The following RANBP2 variants were observed in gnomAD, a reference collection of about 807,000 sequenced individuals.
RANBP2 encodes E3 SUMO-protein ligase RanBP2.
RANBP2 carries 57 observed loss-of-function variants against 303.6 expected under a neutral mutation model. The ratio of observed to expected loss-of-function variants is 0.19; its 90% confidence interval spans 0.15 to 0.23. The LOEUF is 0.23. Ranked by LOEUF, RANBP2 falls within the 10% of genes least tolerant of loss-of-function variation. The pLI, the probability that RANBP2 is intolerant of heterozygous loss-of-function variation, is 1.00. For synonymous variants in RANBP2, 1,167 were observed against 1,301.5 expected, an observed-to-expected ratio of 0.90 and a Z score of 2.23; for missense variants, 3,138 against 3,780.8, an observed-to-expected ratio of 0.83 and a Z score of 4.46.
chr2:108,959,247 G>A, the RANBP2 span, among the ~76,000 whole-genome samples: 1 of 152,226 alleles, frequency 6.6e-6, no homozygotes, highest in Non-Finnish European at 1.5e-5. Flanking sequence ...TGTGCAGAGG[G>A]GCTGATGATG....
chr2:109,560,881 C>T, the RANBP2 span, among the ~76,000 whole-genome samples: 1 of 152,128 alleles, frequency 6.6e-6, no homozygotes, highest in Non-Finnish European at 1.5e-5. Context: ...TCCAATTTTA[C>T]CTTCTAGTCA....
chr2:109,113,362 T>G, the RANBP2 span, among the ~76,000 whole-genome samples: 1 of 151,986 alleles, frequency 6.6e-6, no homozygotes, highest in African/African-American at 2.4e-5. Flanking sequence ...CCCTTGTAAG[T>G]TGGATTCCTA....
At chr2:109,510,426 C>G in the RANBP2 span, among the ~76,000 whole-genome samples, 1 of 152,208 alleles carries the variant, frequency 6.6e-6, no homozygotes, top group Non-Finnish European at 1.5e-5. Flanking sequence ...GGGGAGCAGA[C>G]AGCCCCGAGG....
At chr2:108,846,838 A>G in the RANBP2 span, 1 of 1,613,470 alleles carries the variant, frequency 6.2e-7, no homozygotes. Flanking sequence ...CATTCTGTGG[A>G]GAATAAACCA....
chr2:109,053,798 G>T, the RANBP2 span, among the ~76,000 whole-genome samples: 3 of 152,272 alleles, frequency 2.0e-5, no homozygotes, highest in South Asian at 4.1e-4. Flanking sequence ...CCATTTCTCC[G>T]GCTTGAAGTC....
chr2:109,131,153 C>T, the RANBP2 span, among the ~76,000 whole-genome samples: 24 of 152,260 alleles, frequency 1.6e-4, no homozygotes, highest in Admixed American at 5.9e-4. Context: ...ATTCTAGCAC[C>T]TGGATTAGGC....
chr2:108,890,617 C>T, the RANBP2 span, among the ~76,000 whole-genome samples: 139,742 of 152,224 alleles, frequency 0.92, 64,216 homozygotes, highest in East Asian at 1. Flanking sequence ...TCTTTGACTT[C>T]AGACAGCTGG....
chr2:108,809,465 T>TGTGTGA, the RANBP2 span, among the ~76,000 whole-genome samples: 3 of 151,690 alleles, frequency 2.0e-5, no homozygotes, highest in Middle Eastern at 3.2e-3. Context: ...TGTGTGTGTG[T>TGTGTGA]GTGTGTGTGT....
chr2:109,185,946 C>T, the RANBP2 span, among the ~76,000 whole-genome samples: 2 of 152,200 alleles, frequency 1.3e-5, no homozygotes, highest in Non-Finnish European at 2.9e-5. Flanking sequence ...GCCCTGTGCC[C>T]CGTGCTTGGC....
At chr2:109,339,611 C>G in the RANBP2 span, among the ~76,000 whole-genome samples, 3 of 152,140 alleles carry the variant, frequency 2.0e-5, no homozygotes, top group South Asian at 6.2e-4. Context: ...CAGGGGTTGC[C>G]GGTAGCGAGG....
At position 108,751,881 on chromosome 2, in the gene RANBP2, G is replaced by T. The variant is rs1057954; in HGVS notation, c.1642G>T (p.Val548Leu). The change falls in exon 12 of 29, where the codon GTA becomes TTA. Residue 548 changes from valine (V) to leucine (L), a missense_variant. Physicochemically the swap from Val to Leu is conservative, Grantham distance 32. Transcript: ENST00000283195. The part of the protein sequence containing the change: ...LIHRKAVPGN[V>L]AKLRLLVQHE... ...TGAACTATTTTTTAGACCTGGAAAC[G>T]TAGCAAAATTGAGACTTCTAGTTCA... The T allele has an allele frequency of 4.8e-5, 77 of 1,611,706 alleles. No homozygotes were observed. The highest frequency in any genetic ancestry group is 4.5e-4 in the East Asian group (20 of 44,876).
At chr2:109,126,166 G>A in the RANBP2 span, among the ~76,000 whole-genome samples, 3 of 152,206 alleles carry the variant, frequency 2.0e-5, no homozygotes, top group African/African-American at 4.8e-5. Context: ...GGTTCACCCT[G>A]CTTCGTTAAT....
chr2:109,025,969 G>A, the RANBP2 span, among the ~76,000 whole-genome samples: 1 of 152,048 alleles, frequency 6.6e-6, no homozygotes, highest in African/African-American at 2.4e-5. Flanking sequence ...TGGTGTAATT[G>A]TTAGTAGTCC....
At chr2:109,318,465 A>G in the RANBP2 span, among the ~76,000 whole-genome samples, 2 of 152,210 alleles carry the variant, frequency 1.3e-5, no homozygotes, top group Non-Finnish European at 2.9e-5. Context: ...GGCTCTCGGC[A>G]TACGCGTTTA....
At chr2:109,357,189 GT>G in the RANBP2 span, among the ~76,000 whole-genome samples, 1,591 of 147,162 alleles carry the variant, frequency 0.011, 21 homozygotes, top group African/African-American at 0.037. Context: ...TTGTTTTTTG[GT>G]TTTTTTTTTG....
At chr2:109,478,981 AG>A in the RANBP2 span, among the ~76,000 whole-genome samples, 3 of 152,328 alleles carry the variant, frequency 2.0e-5, no homozygotes, top group Middle Eastern at 6.8e-3. Flanking sequence ...GAGAACCTGC[AG>A]GTTTCGAGAT....
At chr2:109,003,032 C>T in the RANBP2 span, among the ~76,000 whole-genome samples, 9 of 151,898 alleles carry the variant, frequency 5.9e-5, no homozygotes, top group South Asian at 1.7e-3. Context: ...ATGGTGAAAC[C>T]CCGTCTCTAC....
the RANBP2 span, chr2:108,804,918 C>A: frequency 6.4e-7 from 1 of 1,558,658 alleles, no homozygotes; most frequent in Non-Finnish European, 8.6e-7. Context: ...AACACTTAAC[C>A]GAAGTTCTTA....
the RANBP2 span, among the ~76,000 whole-genome samples, chr2:109,444,723 C>T: frequency 6.6e-6 from 1 of 152,176 alleles, no homozygotes; most frequent in Non-Finnish European, 1.5e-5. Context: ...GCACTAACAA[C>T]AGAACTGCCA....
Sources: gnomAD v4.1 joint callset for allele counts (sites outside exome capture counted in the v4.1 genomes callset) on GRCh38, gnomAD v4.1.1 for gene constraint, MANE v1.5 for transcripts, NCBI Gene and HGNC (gene_info 2026-07-23, HGNC 2026-07-21) for gene names.